The following TXNRD1 variants were observed in gnomAD, a reference collection of about 807,000 sequenced individuals.
TXNRD1 encodes the protein thioredoxin reductase 1, cytoplasmic.
In TXNRD1, 57 loss-of-function variants were observed where a neutral mutation model predicts 80.3. The observed-to-expected ratio is 0.71, with a 90% confidence interval of 0.57 to 0.89. The LOEUF (loss-of-function observed/expected upper bound fraction) is 0.89. Ranked by LOEUF, TXNRD1 falls within the 40% of genes least tolerant of loss-of-function variation. The pLI, the probability that TXNRD1 is intolerant of heterozygous loss-of-function variation, is 0.00. For synonymous variants in TXNRD1, 291 were observed against 285.2 expected, an observed-to-expected ratio of 1.02 and a Z score of -0.20; for missense variants, 730 against 803.0, an observed-to-expected ratio of 0.91 and a Z score of 1.10.
At chr12:104,309,554 A>C (rs1194397841) in intron 4 of TXNRD1, among the ~76,000 whole-genome samples, 10 of 152,180 alleles carry the variant, frequency 6.6e-5, no homozygotes, top group Admixed American at 6.5e-4. Flanking sequence ...CATCTTTGCT[A>C]ATTTCATGCA....
intron 16 of TXNRD1, among the ~76,000 whole-genome samples, chr12:104,340,905 T>A (rs1160050614): frequency 1.3e-5 from 2 of 152,192 alleles, no homozygotes; most frequent in East Asian, 3.9e-4. Flanking sequence ...TCAATAGCCA[T>A]TTTTGATAGG....
chr12:104,267,048 T>C (rs2033508214), intron 3 of TXNRD1, among the ~76,000 whole-genome samples: 1 of 146,398 alleles, frequency 6.8e-6, no homozygotes, highest in African/African-American at 2.5e-5. Flanking sequence ...GCACCTGTAG[T>C]CCAGCTACTT....
At chr12:104,246,132 A>AAC (rs1297465121) in intron 1 of TXNRD1, among the ~76,000 whole-genome samples, 7 of 146,882 alleles carry the variant, frequency 4.8e-5, no homozygotes, top group Non-Finnish European at 9.0e-5. Flanking sequence ...AAAAAAAAAA[A>AAC]AAAAACTTTT....
chr12:104,324,884 T>G (rs753329797), intron 10 of TXNRD1, among the ~76,000 whole-genome samples: 23 of 152,338 alleles, frequency 1.5e-4, no homozygotes, highest in Non-Finnish European at 2.9e-4. Context: ...ATGGACCTGC[T>G]GTAATGTAAT....
chr12:104,262,703 G>A lies in TXNRD1; in HGVS notation c.304+4624G>A, dbSNP rs143916593. ...GAGTGCCTGCTGTGCACTAGGCTCT[G>A]TATACTAAGCACTGGGAATACAGTA... On this transcript the variant is annotated intron_variant, in intron 3 of 16. Coordinates refer to ENST00000525566, the MANE Select transcript of TXNRD1 (RefSeq NM_001093771.3). The A allele has an allele frequency of 8.5e-5, 13 of 152,338 alleles. No individual in the cohort carries two copies. In the East Asian group the frequency reaches 2.5e-3, roughly 29 times the overall value. The allele number at this position is 152,338 out of a possible 1,614,324, so 9.4% of individuals were successfully genotyped here. A position where few individuals can be genotyped will look rare whatever the true frequency, so the allele number is the denominator to read the frequency against.
chr12:104,304,651 T>C (rs1483178391), intron 4 of TXNRD1: 1 of 1,613,964 alleles, frequency 6.2e-7, no homozygotes, highest in South Asian at 1.1e-5. Flanking sequence ...CTGATACTCC[T>C]GTGTCCTATT....
At chr12:104,245,735 C>T (rs2135698943) in intron 1 of TXNRD1, among the ~76,000 whole-genome samples, 1 of 151,324 alleles carries the variant, frequency 6.6e-6, no homozygotes, top group South Asian at 2.1e-4. Context: ...ATAGTATTAG[C>T]TTGTGTTACA....
intron 4 of TXNRD1, chr12:104,303,965 G>T (rs1387806467): frequency 6.2e-6 from 10 of 1,603,870 alleles, no homozygotes; most frequent in Non-Finnish European, 8.5e-6. Context: ...GAGGGCCGCG[G>T]GCTGCTCCGA....
chr12:104,316,679 G>A (rs2035338840), intron 7 of TXNRD1, among the ~76,000 whole-genome samples: 2 of 152,176 alleles, frequency 1.3e-5, no homozygotes, highest in Admixed American at 6.5e-5. Flanking sequence ...GTGAGCCACC[G>A]TGCCTGGTGG....
chr12:104,281,509 C>A (rs572357626), intron 3 of TXNRD1, among the ~76,000 whole-genome samples: 2 of 150,936 alleles, frequency 1.3e-5, no homozygotes, highest in Admixed American at 1.3e-4. Context: ...CGGGTTCACG[C>A]CATTCTCCTG....
chr12:104,347,224 G>T (rs1273286234), intron 16 of TXNRD1, among the ~76,000 whole-genome samples: 3 of 150,458 alleles, frequency 2.0e-5, no homozygotes, highest in African/African-American at 7.4e-5. Context: ...TAATGCATTT[G>T]TATTTTAAAA....
intron 2 of TXNRD1, among the ~76,000 whole-genome samples, chr12:104,257,531 C>T (rs537677746): frequency 7.2e-5 from 11 of 151,746 alleles, no homozygotes; most frequent in South Asian, 4.2e-4. Flanking sequence ...CTCAGCCTCC[C>T]GAGTAGCTGA....
intron 16 of TXNRD1, among the ~76,000 whole-genome samples, chr12:104,347,077 AGAGT>A: frequency 6.6e-6 from 1 of 152,340 alleles, no homozygotes; most frequent in Non-Finnish European, 1.5e-5. Flanking sequence ...CCTGGGTGAC[AGAGT>A]GAGACTGTCT....
At chr12:104,336,843 C>T (rs188813421) in intron 15 of TXNRD1, among the ~76,000 whole-genome samples, 8 of 152,274 alleles carry the variant, frequency 5.3e-5, no homozygotes, top group Non-Finnish European at 8.8e-5. Flanking sequence ...AACTGAAGCA[C>T]ATGGAAGTTA....
At chr12:104,253,758 A>T (rs182621352) in intron 2 of TXNRD1, among the ~76,000 whole-genome samples, 22 of 151,302 alleles carry the variant, frequency 1.5e-4, no homozygotes, top group Admixed American at 4.6e-4. Flanking sequence ...CAGTGGTGTG[A>T]TCTCGGCTCG....
At chr12:104,291,780 C>T (rs1001996277) in intron 4 of TXNRD1, among the ~76,000 whole-genome samples, 6 of 152,150 alleles carry the variant, frequency 3.9e-5, no homozygotes, top group Non-Finnish European at 8.8e-5. Flanking sequence ...CCGGGCCCAG[C>T]CCTATTTTTG....
chr12:104,282,274 C>T (rs1028881450), intron 3 of TXNRD1, among the ~76,000 whole-genome samples: 1 of 152,194 alleles, frequency 6.6e-6, no homozygotes, highest in Non-Finnish European at 1.5e-5. Flanking sequence ...GTTCTCTTAG[C>T]ATTTATAGAT....
At chr12:104,346,230 C>T (rs1468894125) in intron 16 of TXNRD1, 1 of 212,282 alleles carries the variant, frequency 4.7e-6, no homozygotes, top group Admixed American at 5.2e-5. Context: ...CCAGGCTGGT[C>T]TCAAACTCCT....
At chr12:104,321,371 AAG>A in intron 10 of TXNRD1, 55 bp downstream of exon 10, 1 of 1,434,002 alleles carries the variant, frequency 7.0e-7, no homozygotes, top group Non-Finnish European at 9.8e-7. Flanking sequence ...AAAAGGCAAA[AAG>A]AGAGTTGAGT....
Sources: gnomAD v4.1 joint callset for allele counts (sites outside exome capture counted in the v4.1 genomes callset) on GRCh38, gnomAD v4.1.1 for gene constraint, MANE v1.5 for transcripts, NCBI Gene and HGNC (gene_info 2026-07-23, HGNC 2026-07-21) for gene names.